The following TUBGCP3 variants were observed in gnomAD, a reference collection of about 807,000 sequenced individuals.
TUBGCP3 encodes tubulin gamma complex component 3, also known as gamma-tubulin complex component 3.
A neutral mutation model predicts 123.1 loss-of-function variants in TUBGCP3; 50 were observed. That is an observed-to-expected ratio of 0.41 (90% CI 0.32 to 0.51). TUBGCP3 has a LOEUF of 0.51. Among genes scored for constraint, TUBGCP3 ranks in the 20% least tolerant of loss-of-function variants. TUBGCP3 has a pLI of 0.36. For synonymous variants in TUBGCP3, 405 were observed against 413.9 expected, an observed-to-expected ratio of 0.98 and a Z score of 0.26; for missense variants, 882 against 1,127.0, an observed-to-expected ratio of 0.78 and a Z score of 3.11.
chr13:112,554,946 T>A lies in TUBGCP3; in HGVS notation c.781A>T (p.Ile261Leu). 1 of 1,613,504 alleles carries A rather than the reference T, an allele frequency of 6.2e-7. No individual in the cohort carries two copies. Among genetic ancestry groups the A allele is most frequent in the East Asian group, 2.2e-5 (1 of 44,876 alleles). The change falls in exon 7 of 22, where the codon ATA becomes TTA. Residue 261 changes from isoleucine (I) to leucine (L), a missense_variant. By Grantham distance (5) the Ile-to-Leu change is conservative. This residue lies in a region of TUBGCP3 where 713 missense variants were observed against 874.0 expected (regional missense o/e 0.82). Transcript: ENST00000261965. ...VRDILYVFQGIDGKNIKMNNT... is the reference protein window; with the variant it reads ...VRDILYVFQGLDGKNIKMNNT... ...TTCATTTTGATGTTTTTGCCATCTATGCCCTGAAAGACGTACAAAATGTCC... is the reference window on the plus strand; with the variant it reads ...TTCATTTTGATGTTTTTGCCATCTAAGCCCTGAAAGACGTACAAAATGTCC...
At chr13:112,604,055 A>T in the TUBGCP3 span, 1 of 152,228 alleles carries the variant, frequency 6.6e-6, no homozygotes, top group African/African-American at 2.4e-5. Flanking sequence ...GCAGTTTTCC[A>T]GTCAAAAAAT....
At chr13:112,535,550 T>C (rs1877974366) in intron 11 of TUBGCP3, among the ~76,000 whole-genome samples, 1 of 152,252 alleles carries the variant, frequency 6.6e-6, no homozygotes, top group African/African-American at 2.4e-5. Flanking sequence ...ATAATAATAA[T>C]CTTTTCCTGT....
Position 112,519,757 on chromosome 13 carries a change from G to T in TUBGCP3, c.1881+129C>A. ...GCCACAGAGTGGAGTTCCTACTCAG[G>T]CTGCCCAGTTTCCAGAAAGATAACG... is the stretch of plus-strand genomic sequence containing the variant. On this transcript the variant is annotated intron_variant, in intron 15 of 21. Transcript: ENST00000261965. This position sits in a 1 kb window ranked among gnomAD's most constrained non-coding sequence, Gnocchi z 6.2. 8.0e-7 allele frequency: 1 copy of T among 1,248,400 alleles called. No homozygotes were observed. The highest frequency in any genetic ancestry group is 1.1e-6 in the Non-Finnish European group (1 of 942,652). 77.3% of individuals were successfully genotyped at this position (1,248,400 alleles called of 1,614,324 possible).
chr13:112,549,719 G>C (rs4907538), intron 8 of TUBGCP3, among the ~76,000 whole-genome samples: 3 of 152,010 alleles, frequency 2.0e-5, no homozygotes, highest in Admixed American at 2.0e-4. Flanking sequence ...GCCGGGTGCA[G>C]TGGCTCACGC....
In TUBGCP3 at chr13:112,587,973, G is replaced by A; in HGVS notation, c.8C>T (p.Thr3Ile). MA[T>I]PDQKSPNVLL... is the part of the protein sequence containing the mutation. Reference sequence around the variant, plus strand: ...AACGTTCGGCGACTTCTGGTCCGGGGTCGCCATCCTCGCCCGGAGCCGTGC... The same window carrying A: ...AACGTTCGGCGACTTCTGGTCCGGGATCGCCATCCTCGCCCGGAGCCGTGC... The change falls in exon 1 of 22, where the codon ACC becomes ATC. Residue 3 changes from threonine (T) to isoleucine (I), a missense_variant. Transcript: ENST00000261965. 1.3e-6 allele frequency: 2 copies of A among 1,584,270 alleles called. No individual in the cohort carries two copies. The highest frequency in any genetic ancestry group is 1.7e-6 in the Non-Finnish European group (2 of 1,167,214).
At position 112,485,721 on chromosome 13, in the gene TUBGCP3, A is replaced by G. The variant is rs2139169872; in HGVS notation, c.*272T>C. The stretch of plus-strand genomic sequence containing the variant: ...ATAGAAAGCTTAAGAAGCCTCAGCA[A>G]ATTATGGTATCTTTTAGCGATGAAG... On this transcript the variant is annotated 3_prime_UTR_variant, in exon 22 of 22. Coordinates refer to ENST00000261965, the MANE Select transcript of TUBGCP3 (RefSeq NM_006322.6). 7.7e-6 allele frequency: 3 copies of G among 387,308 alleles called. No homozygotes were observed. Among genetic ancestry groups the G allele is most frequent in the East Asian group, 7.9e-5 (2 of 25,284 alleles). The allele number at this position is 387,308 out of a possible 1,614,324, so 24.0% of individuals were successfully genotyped here. A position where few individuals can be genotyped will look rare whatever the true frequency, so the allele number is the denominator to read the frequency against.
intron 19 of TUBGCP3, among the ~76,000 whole-genome samples, chr13:112,500,757 T>C (rs1594109970): frequency 6.6e-6 from 1 of 152,232 alleles, no homozygotes; most frequent in African/African-American, 2.4e-5. Flanking sequence ...TTAACACAAC[T>C]TTACAGTTAA....
chr13:112,578,350 G>C (rs893479549), intron 1 of TUBGCP3, among the ~76,000 whole-genome samples: 2 of 151,436 alleles, frequency 1.3e-5, no homozygotes, highest in South Asian at 4.2e-4. Context: ...ACGAGGTCAG[G>C]AGATCGAGAC....
intron 10 of TUBGCP3, chr13:112,546,212 C>T (rs935962192): frequency 1.4e-5 from 3 of 212,822 alleles, no homozygotes; most frequent in African/African-American, 4.5e-5. Flanking sequence ...CTAAGATTCA[C>T]GCTTCATGGT....
At chr13:112,580,958 C>G (rs577935549) in intron 1 of TUBGCP3, among the ~76,000 whole-genome samples, 21 of 152,172 alleles carry the variant, frequency 1.4e-4, no homozygotes, top group Non-Finnish European at 2.8e-4. Context: ...ACCTTTGCCC[C>G]CTTAGAGTGA....
At chr13:112,566,509 C>A (rs1044027892) in intron 2 of TUBGCP3, among the ~76,000 whole-genome samples, 1 of 152,156 alleles carries the variant, frequency 6.6e-6, no homozygotes, top group Non-Finnish European at 1.5e-5. Flanking sequence ...ATAATCTAAT[C>A]ATAACTGTAC....
At chr13:112,555,583 G>A (rs1049647655) in intron 6 of TUBGCP3, among the ~76,000 whole-genome samples, 2 of 152,196 alleles carry the variant, frequency 1.3e-5, no homozygotes, top group African/African-American at 4.8e-5. Context: ...TCACCATTCA[G>A]TAATTCCTCA....
chr13:112,600,903 T>G, the TUBGCP3 span, among the ~76,000 whole-genome samples: 2 of 152,168 alleles, frequency 1.3e-5, no homozygotes, highest in Non-Finnish European at 2.9e-5. Context: ...TTTAATTTAA[T>G]TTTAAAACAC....
At chr13:112,581,834 T>C (rs1479721903) in intron 1 of TUBGCP3, among the ~76,000 whole-genome samples, 2 of 152,150 alleles carry the variant, frequency 1.3e-5, no homozygotes, top group Non-Finnish European at 2.9e-5. Flanking sequence ...CTTTTCAACT[T>C]TCTCATACCA....
At chr13:112,542,503 A>G (rs1190790243) in intron 11 of TUBGCP3, among the ~76,000 whole-genome samples, 23 of 152,232 alleles carry the variant, frequency 1.5e-4, no homozygotes, top group Non-Finnish European at 2.9e-5. Flanking sequence ...TTAATCTTGA[A>G]AAATTAAGTC....
intron 1 of TUBGCP3, among the ~76,000 whole-genome samples, chr13:112,571,544 G>A (rs573496951): frequency 6.6e-6 from 1 of 152,190 alleles, no homozygotes; most frequent in African/African-American, 2.4e-5. Flanking sequence ...TTTTGGAATG[G>A]TCAACGAGCA....
upstream of TUBGCP3, among the ~76,000 whole-genome samples, chr13:112,590,220 C>T (rs748888335): frequency 1.3e-5 from 2 of 152,146 alleles, no homozygotes; most frequent in Non-Finnish European, 2.9e-5. Flanking sequence ...TCGTGATGTG[C>T]CCGCCTCGGC....
chr13:112,526,867 T>G, intron 13 of TUBGCP3, 75 bp downstream of exon 13: 2 of 1,072,012 alleles, frequency 1.9e-6, no homozygotes, highest in Non-Finnish European at 2.9e-6. Flanking sequence ...ACTGTTACCA[T>G]GAGTATCACC....
chr13:112,546,627 A>C (rs536378768), intron 10 of TUBGCP3: 1 of 152,376 alleles, frequency 6.6e-6, no homozygotes, highest in Non-Finnish European at 1.5e-5. Context: ...AGCAGCTCTT[A>C]TAACAGTCCC....
Sources: allele counts gnomAD v4.1 joint callset (sites outside exome capture counted in the v4.1 genomes callset), GRCh38; gene constraint gnomAD v4.1.1; regional missense constraint gnomAD v4.1.1; non-coding constraint Gnocchi (gnomAD v3.1); transcripts MANE v1.5; gene names NCBI Gene and HGNC (gene_info 2026-07-23, HGNC 2026-07-21).